The following TSNARE1 variants were observed in gnomAD, a reference collection of about 807,000 sequenced individuals.
TSNARE1 encodes t-SNARE domain containing 1.
A neutral mutation model predicts 62.0 loss-of-function variants in TSNARE1; 49 were observed. The ratio of observed to expected loss-of-function variants is 0.79; its 90% CI spans 0.63 to 1.00. The LOEUF is 1.00. TSNARE1 is among the 50% of genes least tolerant of loss of function. The probability of loss-of-function intolerance (pLI) is 0.00; values close to 1 mark genes in which losing one functional copy is unlikely to be tolerated. For missense variants in TSNARE1, 755 were observed against 700.1 expected, an observed-to-expected ratio of 1.08 and a Z score of -0.88; for synonymous variants, 328 against 294.4, an observed-to-expected ratio of 1.11 and a Z score of -1.17.
chr8:142,320,262 G>A (rs531402253), intron 6 of TSNARE1, among the ~76,000 whole-genome samples: 22 of 152,280 alleles, frequency 1.4e-4, no homozygotes, highest in South Asian at 4.1e-4. Context: ...ATCTCATTCC[G>A]GTCAAAGCCA....
intron 12 of TSNARE1, among the ~76,000 whole-genome samples, chr8:142,267,628 G>T (rs913375974): frequency 6.6e-6 from 1 of 152,090 alleles, no homozygotes; most frequent in South Asian, 2.1e-4. Flanking sequence ...GAGGGGACCC[G>T]GGCTCTCTAG....
intron 13 of TSNARE1, 80 bp downstream of exon 13, chr8:142,229,374 GGATGGATGGTGGATGGTTA>G (rs2130068067): frequency 1.0e-6 from 1 of 963,720 alleles, no homozygotes; most frequent in Non-Finnish European, 1.7e-6. Context: ...ATGGATAGAT[GGATGGATGGTGGATGGTTA>G]GATGGATGGT....
chr8:142,229,354 A>G, intron 13 of TSNARE1, 119 bp downstream of exon 13: 2 of 802,000 alleles, frequency 2.5e-6, no homozygotes, highest in Non-Finnish European at 4.2e-6. Flanking sequence ...ACAGGTGGAT[A>G]AATGGGTGGA....
intron 11 of TSNARE1, chr8:142,280,111 CG>C: frequency 8.7e-7 from 1 of 1,147,082 alleles, no homozygotes; most frequent in Non-Finnish European, 1.1e-6. Context: ...AGGTGTGCCC[CG>C]CAGCGCCCCG....
intron 6 of TSNARE1, among the ~76,000 whole-genome samples, chr8:142,327,336 C>T (rs867300295): frequency 2.0e-5 from 3 of 151,620 alleles, no homozygotes; most frequent in Non-Finnish European, 2.9e-5. Flanking sequence ...TATCAGCTGG[C>T]GAATGGGTCC....
rs776057108 is a variant in TSNARE1, at chr8:142,300,480, C to G, written c.1290+6G>C. 3.1e-6 allele frequency: 5 copies of G among 1,599,354 alleles called. No homozygotes were observed. The highest frequency in any genetic ancestry group is 4.2e-6 in the Non-Finnish European group (5 of 1,176,864). On this transcript the variant is annotated splice_donor_region_variant and intron_variant, in intron 10 of 13. Coordinates refer to ENST00000524325, the MANE Select transcript of TSNARE1 (RefSeq NM_145003.5). The stretch of plus-strand genomic sequence containing the variant: ...GAGTGAGCACGCTTGCCCACGCCAG[C>G]CTCACCTCCATCTGCAGGATGGCCT...
Position 142,319,477 on chromosome 8 carries a change from C to T in TSNARE1, c.894-843G>A, listed in dbSNP as rs554043121. Among the ~76,000 whole-genome samples, 133 of 152,218 alleles carry T rather than the reference C, an allele frequency of 8.7e-4. No individual in the cohort carries two copies. The highest frequency in any genetic ancestry group is 5.7e-4 in the Non-Finnish European group (39 of 67,990). ...CAGCCCGTCTCCCGCTTGGGGTTCG[C>T]CACCCCCATCCCTGGAGAGAGGAGC... On this transcript the variant is annotated intron_variant, in intron 6 of 13. Transcript: ENST00000524325. The surrounding 1 kb of genome is among the most constrained non-coding windows in gnomAD (Gnocchi z 4.9).
intron 12 of TSNARE1, among the ~76,000 whole-genome samples, chr8:142,250,305 GGC>G (rs1420651171): frequency 1.3e-5 from 2 of 152,180 alleles, no homozygotes; most frequent in Non-Finnish European, 2.9e-5. Flanking sequence ...GGCTAAAAAT[GGC>G]GCTCTAATGA....
chr8:142,215,884 C>T (rs1815807276), intron 13 of TSNARE1, among the ~76,000 whole-genome samples: 1 of 152,230 alleles, frequency 6.6e-6, no homozygotes, highest in African/African-American at 2.4e-5. Flanking sequence ...ATGGGCCAAC[C>T]CTCCGCCTGC....
chr8:142,242,774 C>A (rs899973609), intron 12 of TSNARE1, among the ~76,000 whole-genome samples: 11 of 151,910 alleles, frequency 7.2e-5, no homozygotes, highest in African/African-American at 2.2e-4. Context: ...CCAGCCTGGC[C>A]AACATGGTGA....
intron 1 of TSNARE1, among the ~76,000 whole-genome samples, chr8:142,396,394 C>T (rs1189152731): frequency 6.6e-6 from 1 of 152,130 alleles, no homozygotes; most frequent in African/African-American, 2.4e-5. Flanking sequence ...TCTTGAGCTC[C>T]GCCCACCTCC....
chr8:142,369,018 T>C (rs2130998840), intron 1 of TSNARE1, among the ~76,000 whole-genome samples: 1 of 152,266 alleles, frequency 6.6e-6, no homozygotes, highest in Non-Finnish European at 1.5e-5. Context: ...AGGGTCACTG[T>C]GAAACCCCCG....
intron 10 of TSNARE1, among the ~76,000 whole-genome samples, chr8:142,296,092 GT>G (rs1316565260): frequency 1.5e-4 from 1 of 6,584 alleles, no homozygotes; most frequent in Non-Finnish European, 3.5e-4. Flanking sequence ...GGGGGAGGGG[GT>G]GGTCACTCAT....
chr8:142,275,695 C>T lies in TSNARE1; in HGVS notation c.1364-832G>A. On this transcript the variant is annotated intron_variant, in intron 11 of 13. Transcript: ENST00000524325. ...CTTGCAAGGCCTGCCTCCAATCAGG[C>T]AACTGGAGAAGAGCTTGGGAGGCAG... 3 of 985,446 alleles carry T rather than the reference C, an allele frequency of 3.0e-6. No individual in the cohort carries two copies. In the South Asian group the frequency reaches 1.4e-4, roughly 46 times the overall value. 61.0% of individuals were successfully genotyped at this position (985,446 alleles called of 1,614,324 possible). A position where few individuals can be genotyped will look rare whatever the true frequency, so the allele number is the denominator to read the frequency against.
Position 142,274,815 on chromosome 8 carries a change from G to A in TSNARE1, c.1412C>T (p.Ala471Val). 3.2e-6 allele frequency: 5 copies of A among 1,579,762 alleles called. No homozygotes were observed. The East Asian group carries it at 9.6e-5, about 30-fold the overall frequency. ...GCTGGCTCCAGCCAGGAGCTGGCGG[G>A]CTGCCTCCGCATGCGAGGACGCAGC... ...LEAASSHAEA[A>V]RQLLAGASRH... Residue 471 changes from alanine to valine, a missense_variant, in exon 12 of 14, where the codon GCC becomes GTC. Coordinates refer to ENST00000524325, the MANE Select transcript of TSNARE1 (RefSeq NM_145003.5).
intron 11 of TSNARE1, chr8:142,278,156 C>T (rs1166896688): frequency 2.0e-6 from 2 of 985,210 alleles, no homozygotes; most frequent in Non-Finnish European, 2.4e-6. Context: ...GCCTAGTGCC[C>T]AGGCCCATCG....
intron 1 of TSNARE1, chr8:142,365,763 C>A: frequency 1.1e-5 from 3 of 263,242 alleles, no homozygotes; most frequent in Non-Finnish European, 7.6e-6. Context: ...AAAATTATGT[C>A]CAAAAGTCCT....
chr8:142,287,235 G>A (rs759232058), intron 10 of TSNARE1, among the ~76,000 whole-genome samples: 60 of 145,900 alleles, frequency 4.1e-4, no homozygotes, highest in Non-Finnish European at 4.9e-4. Context: ...TCCAGGTCGT[G>A]GAACCCAGGA....
At chr8:142,352,682 G>A (rs560915464) in intron 2 of TSNARE1, among the ~76,000 whole-genome samples, 4 of 152,188 alleles carry the variant, frequency 2.6e-5, no homozygotes, top group Admixed American at 6.5e-5. Flanking sequence ...ACGGAGCAAC[G>A]CAAATCGTCT....
Sources: allele counts gnomAD v4.1 joint callset (sites outside exome capture counted in the v4.1 genomes callset), GRCh38; gene constraint gnomAD v4.1.1; non-coding constraint Gnocchi (gnomAD v3.1); transcripts MANE v1.5; gene names NCBI Gene and HGNC (gene_info 2026-07-23, HGNC 2026-07-21).